C1QTNF7: variants seen among roughly 807,000 people sequenced by gnomAD.
The protein encoded by C1QTNF7 is C1q and TNF related 7.
C1QTNF7 carries 15 observed loss-of-function variants against 19.6 expected under a neutral mutation model. That is an observed-to-expected ratio of 0.76 (90% CI 0.51 to 1.18). The LOEUF is 1.18. Among genes scored for constraint, C1QTNF7 ranks in the 50% most tolerant of loss-of-function variants. The probability of loss-of-function intolerance (pLI) is 0.00; values close to 1 mark genes in which losing one functional copy is unlikely to be tolerated. For missense variants in C1QTNF7, 324 were observed against 359.7 expected (o/e 0.90, Z 0.80); for synonymous variants, 142 against 137.5 (o/e 1.03, Z -0.23).
chr4:15,425,722 A>G (rs929584758), upstream of C1QTNF7, among the ~76,000 whole-genome samples: 2 of 152,220 alleles, frequency 1.3e-5, no homozygotes, highest in African/African-American at 2.4e-5. Context: ...ACTCACCTCA[A>G]GAGGTTATGA....
intron 1 of C1QTNF7, among the ~76,000 whole-genome samples, chr4:15,420,715 T>C (rs1307000173): frequency 1.3e-5 from 2 of 152,050 alleles, no homozygotes; most frequent in East Asian, 1.9e-4. Context: ...CAATGATGAC[T>C]TTGTCCTTCA....
intron 1 of C1QTNF7, among the ~76,000 whole-genome samples, chr4:15,391,852 C>T (rs556425135): frequency 1.3e-5 from 2 of 152,186 alleles, no homozygotes; most frequent in East Asian, 3.9e-4. Flanking sequence ...GAAGAAGCAC[C>T]ACTATTTGGG....
intron 2 of C1QTNF7, among the ~76,000 whole-genome samples, chr4:15,439,185 T>C (rs928498023): frequency 6.6e-6 from 1 of 152,226 alleles, no homozygotes; most frequent in Non-Finnish European, 1.5e-5. Flanking sequence ...CCTAAGCATG[T>C]GAGCAAATTC....
At chr4:15,423,514 T>A (rs1350946874), upstream of C1QTNF7, among the ~76,000 whole-genome samples, 1 of 152,180 alleles carries the variant, frequency 6.6e-6, no homozygotes, top group Non-Finnish European at 1.5e-5. Context: ...CTGGTTGAAG[T>A]CCGCTTGAAA....
At chr4:15,374,415 C>T (rs1205328736) in intron 1 of C1QTNF7, 1 of 267,078 alleles carries the variant, frequency 3.7e-6, no homozygotes, top group African/African-American at 2.3e-5. Context: ...TGTCCAGACT[C>T]ACTGTGCTAT....
intron 2 of C1QTNF7, among the ~76,000 whole-genome samples, chr4:15,441,497 C>A (rs1211152812): frequency 6.6e-6 from 1 of 152,202 alleles, no homozygotes; most frequent in Non-Finnish European, 1.5e-5. Context: ...GTTCTGTCTG[C>A]CCCTCTGGGC....
intron 1 of C1QTNF7, among the ~76,000 whole-genome samples, chr4:15,368,255 C>T (rs773642060): frequency 1.3e-5 from 2 of 152,108 alleles, no homozygotes; most frequent in Non-Finnish European, 2.9e-5. Context: ...ACACCCCCGA[C>T]TCTTTCAGCA....
At position 15,442,460 on chromosome 4, in the gene C1QTNF7, C is replaced by G. The variant is rs1712814433; in HGVS notation, c.531C>G (p.His177Gln). Residue 177 changes from histidine to glutamine, a missense_variant, in exon 3 of 3, where the codon CAC becomes CAG. His to Gln is a conservative substitution (Grantham distance 24, BLOSUM62 0). Coordinates refer to ENST00000444304, the MANE Select transcript of C1QTNF7 (RefSeq NM_031911.5). ...FNKVLFNEGE[H>Q]YNPATGKFIC... is the part of the protein sequence containing the mutation. The stretch of plus-strand genomic sequence containing the variant: ...AGGTCCTCTTCAACGAGGGAGAGCA[C>G]TACAACCCTGCCACAGGGAAGTTCA... The G allele has an allele frequency of 6.2e-7, 1 of 1,614,190 alleles. No individual in the cohort carries two copies. Among genetic ancestry groups the G allele is most frequent in the Non-Finnish European group, 8.5e-7 (1 of 1,180,030 alleles).
upstream of C1QTNF7, among the ~76,000 whole-genome samples, chr4:15,423,349 G>A (rs1711880584): frequency 6.6e-6 from 1 of 152,184 alleles, no homozygotes; most frequent in South Asian, 2.1e-4. Flanking sequence ...GCCCAGCACA[G>A]TGCCTGGCAC....
chr4:15,353,834 C>A (rs1717023819), intron 1 of C1QTNF7, among the ~76,000 whole-genome samples: 1 of 151,480 alleles, frequency 6.6e-6, no homozygotes. Flanking sequence ...GAAAATGAGG[C>A]TGAAACTCTT....
intron 1 of C1QTNF7, among the ~76,000 whole-genome samples, chr4:15,431,059 TAG>T (rs1712285461): frequency 8.1e-6 from 1 of 123,814 alleles, no homozygotes; most frequent in Admixed American, 8.7e-5. Flanking sequence ...AGATGATAGA[TAG>T]ATAGATAGAT....
At chr4:15,391,257 AG>A (rs1718546440) in intron 1 of C1QTNF7, among the ~76,000 whole-genome samples, 1 of 151,896 alleles carries the variant, frequency 6.6e-6, no homozygotes. Context: ...CAGCAATCCC[AG>A]TAGAGAAGAC....
At chr4:15,350,253 AGGAG>A (rs1716875974) in intron 1 of C1QTNF7, among the ~76,000 whole-genome samples, 1 of 39,660 alleles carries the variant, frequency 2.5e-5, no homozygotes, top group Non-Finnish European at 4.1e-5. Flanking sequence ...GAGGGAGGGA[AGGAG>A]AGAGGGAGGG....
intron 1 of C1QTNF7, among the ~76,000 whole-genome samples, chr4:15,434,182 A>G (rs1712437254): frequency 6.6e-6 from 1 of 151,952 alleles, no homozygotes; most frequent in South Asian, 2.1e-4. Context: ...TTTTTTTTCA[A>G]CTAGTAACAC....
rs142740864 is a variant in C1QTNF7, at chr4:15,406,647, A to T, written c.14-29089A>T. ...GTTACTGGCAAAAACAAAAATTAAA[A>T]ACAACCATACCATCCAACAATAGGG... On this transcript the variant is annotated intron_variant, in intron 1 of 2. Coordinates refer to the C1QTNF7 transcript ENST00000295297. Among the ~76,000 whole-genome samples, 171 of 152,320 alleles carry T rather than the reference A, an allele frequency of 1.1e-3. 1 individual carries two copies. Among genetic ancestry groups the T allele is most frequent in the African/African-American group, 4.0e-3 (166 of 41,576 alleles).
At chr4:15,394,137 G>T (rs1242408070) in intron 1 of C1QTNF7, among the ~76,000 whole-genome samples, 2 of 152,214 alleles carry the variant, frequency 1.3e-5, no homozygotes, top group Non-Finnish European at 2.9e-5. Flanking sequence ...CTGAAGGAAA[G>T]TCCCATGCAA....
intron 2 of C1QTNF7, among the ~76,000 whole-genome samples, chr4:15,438,222 A>T (rs1238813262): frequency 6.6e-6 from 1 of 152,210 alleles, no homozygotes; most frequent in African/African-American, 2.4e-5. Flanking sequence ...CTAACCTGAG[A>T]TTATTTAAAT....
In C1QTNF7 at chr4:15,408,675, C is replaced by T. The variant is rs80335823; in HGVS notation, c.14-27061C>T. Among the ~76,000 whole-genome samples the T allele has an allele frequency of 1.7e-3, 255 of 152,268 alleles. 6 individuals are homozygous for T. In the East Asian group the frequency reaches 0.043, roughly 26 times the overall value. On this transcript the variant is annotated intron_variant, in intron 1 of 2. Transcript: ENST00000295297. ...CTCCATCTCAGCCCCAAAGAAGGCT[C>T]TAAGCTCCTCTGGAGAGCACTTTGG...
chr4:15,437,161 G>T (rs910510921), intron 2 of C1QTNF7, among the ~76,000 whole-genome samples: 1 of 152,098 alleles, frequency 6.6e-6, no homozygotes, highest in Non-Finnish European at 1.5e-5. Flanking sequence ...AATAACATCA[G>T]GATTATAGTT....
Sources: allele counts gnomAD v4.1 joint callset (sites outside exome capture counted in the v4.1 genomes callset), GRCh38; gene constraint gnomAD v4.1.1; transcripts MANE v1.5; gene names NCBI Gene and HGNC (gene_info 2026-07-23, HGNC 2026-07-21).